The following SKIC3 variants were observed in gnomAD, a reference collection of about 807,000 sequenced individuals.
SKIC3 encodes the protein superkiller complex protein 3.
the SKIC3 span, among the ~76,000 whole-genome samples, chr5:95,510,217 T>G: frequency 6.6e-6 from 1 of 152,224 alleles, no homozygotes; most frequent in African/African-American, 2.4e-5. Flanking sequence ...AAATTATAAC[T>G]GAGACAGTGA....
the SKIC3 span, chr5:95,517,371 G>A: frequency 6.3e-7 from 1 of 1,576,796 alleles, no homozygotes; most frequent in Non-Finnish European, 8.6e-7. Context: ...TAAAAAGCAT[G>A]AAGTTTATCT....
the SKIC3 span, chr5:95,506,947 C>T: frequency 2.0e-4 from 323 of 1,613,230 alleles, no homozygotes; most frequent in East Asian, 6.1e-3. Context: ...AACAATCTGC[C>T]GTAATTTCTT....
the SKIC3 span, chr5:95,495,011 C>T: frequency 6.2e-7 from 1 of 1,613,766 alleles, no homozygotes; most frequent in African/African-American, 1.3e-5. Flanking sequence ...CCTGCTACAA[C>T]ACCTCCCTAG....
the SKIC3 span, among the ~76,000 whole-genome samples, chr5:95,553,553 GT>G: frequency 6.6e-5 from 10 of 151,110 alleles, no homozygotes; most frequent in Non-Finnish European, 1.2e-4. Context: ...TTGTTTAGGG[GT>G]TTTTTTGTTT....
the SKIC3 span, among the ~76,000 whole-genome samples, chr5:95,546,080 C>T: frequency 6.6e-6 from 1 of 152,072 alleles, no homozygotes; most frequent in Admixed American, 6.6e-5. Context: ...CCTCTTTACC[C>T]AGCTTAGACT....
the SKIC3 span, chr5:95,509,831 T>G: frequency 3.1e-3 from 1,983 of 642,818 alleles, 36 homozygotes; most frequent in African/African-American, 0.032. Flanking sequence ...GATTTTATCT[T>G]GAATATAATG....
the SKIC3 span, chr5:95,513,667 C>T: frequency 3.1e-6 from 5 of 1,602,434 alleles, no homozygotes; most frequent in Non-Finnish European, 4.3e-6. Context: ...AAAAAACAGA[C>T]TCTTAATGTG....
the SKIC3 span, chr5:95,478,458 G>A: frequency 6.2e-7 from 1 of 1,613,584 alleles, no homozygotes; most frequent in Non-Finnish European, 8.5e-7. Context: ...AAACAAAAAA[G>A]GAGAAGGAGG....
chr5:95,547,740 C>T, the SKIC3 span, among the ~76,000 whole-genome samples: 20 of 152,188 alleles, frequency 1.3e-4, no homozygotes, highest in Middle Eastern at 3.4e-3. Flanking sequence ...CCACTCTATA[C>T]AAAGCTAGAT....
chr5:95,534,110 G>A, the SKIC3 span, among the ~76,000 whole-genome samples: 2 of 151,776 alleles, frequency 1.3e-5, no homozygotes, highest in Admixed American at 1.3e-4. Flanking sequence ...GGTACCAGGG[G>A]CCATACAATA....
chr5:95,488,062 TCAA>T, the SKIC3 span, among the ~76,000 whole-genome samples: 2 of 151,886 alleles, frequency 1.3e-5, no homozygotes, highest in South Asian at 4.2e-4. Context: ...TCTGAAAGCT[TCAA>T]CAACAGACTA....
At chr5:95,502,806 T>TA in the SKIC3 span, 12 of 1,592,050 alleles carry the variant, frequency 7.5e-6, no homozygotes, top group South Asian at 7.7e-5. Flanking sequence ...ATGAAGAACT[T>TA]ACGCTTTCTC....
At chr5:95,541,956 T>A in the SKIC3 span, 1 of 1,175,314 alleles carries the variant, frequency 8.5e-7, no homozygotes, top group Non-Finnish European at 1.3e-6. Context: ...ACATTTGCTG[T>A]TCTCACATTC....
At chr5:95,531,532 C>G in the SKIC3 span, among the ~76,000 whole-genome samples, 1 of 152,130 alleles carries the variant, frequency 6.6e-6, no homozygotes, top group African/African-American at 2.4e-5. Flanking sequence ...CCCAAGAAAA[C>G]TAGCAGCTTT....
the SKIC3 span, chr5:95,548,517 T>A: frequency 1.3e-5 from 2 of 152,046 alleles, no homozygotes; most frequent in Non-Finnish European, 2.9e-5. Context: ...TTATATAATT[T>A]AAAGCACCAT....
the SKIC3 span, among the ~76,000 whole-genome samples, chr5:95,492,034 T>C: frequency 2.0e-5 from 3 of 152,114 alleles, no homozygotes; most frequent in Non-Finnish European, 2.9e-5. Context: ...TTGCTAAAAG[T>C]ACAAAAATCA....
At chr5:95,489,836 AT>A in the SKIC3 span, among the ~76,000 whole-genome samples, 1 of 152,138 alleles carries the variant, frequency 6.6e-6, no homozygotes, top group Admixed American at 6.5e-5. Context: ...TGGCTTCAAA[AT>A]AACTATGTTA....
the SKIC3 span, among the ~76,000 whole-genome samples, chr5:95,479,894 CA>C: frequency 6.6e-6 from 1 of 151,658 alleles, no homozygotes; most frequent in Non-Finnish European, 1.5e-5. Flanking sequence ...AAGCTATACT[CA>C]AGAATAAAAA....
chr5:95,468,623 T>C, the SKIC3 span, among the ~76,000 whole-genome samples: 2 of 152,194 alleles, frequency 1.3e-5, no homozygotes, highest in Admixed American at 6.5e-5. Flanking sequence ...CATTAGTATA[T>C]TCAGAACTGC....
Sources: allele counts gnomAD v4.1 joint callset (sites outside exome capture counted in the v4.1 genomes callset), GRCh38; gene constraint gnomAD v4.1.1; transcripts MANE v1.5; gene names NCBI Gene and HGNC (gene_info 2026-07-23, HGNC 2026-07-21).